Variants in PDE4D observed in about 807,000 individuals in gnomAD.
PDE4D encodes 3',5'-cyclic-AMP phosphodiesterase 4D.
Under a neutral mutation model 87.4 loss-of-function variants are expected in PDE4D, and 24 were observed. The ratio of observed to expected loss-of-function variants is 0.27; its 90% CI spans 0.20 to 0.39. The LOEUF (loss-of-function observed/expected upper bound fraction) is 0.39, where lower values mean the gene tolerates loss of function less well. PDE4D is among the 10% of genes least tolerant of loss of function. The pLI is 1.00. For missense variants in PDE4D, 714 were observed against 1,041.0 expected (o/e 0.69, Z 4.32); for synonymous variants, 384 against 383.2 (o/e 1.00, Z -0.02).
intron 6 of PDE4D, among the ~76,000 whole-genome samples, chr5:59,025,093 T>C (rs1755959779): frequency 6.6e-6 from 1 of 152,180 alleles, no homozygotes; most frequent in Admixed American, 6.5e-5. Flanking sequence ...ATAGCTTTGT[T>C]CAATCTTTAC....
intron 5 of PDE4D, among the ~76,000 whole-genome samples, chr5:59,141,858 G>A (rs7714707): frequency 6.6e-6 from 1 of 152,016 alleles, no homozygotes; most frequent in Non-Finnish European, 1.5e-5. Context: ...GGAGGTTCTT[G>A]CAGTTATAGC....
intron 1 of PDE4D, among the ~76,000 whole-genome samples, chr5:59,873,958 C>T (rs903962867): frequency 3.9e-5 from 6 of 152,172 alleles, no homozygotes; most frequent in African/African-American, 1.4e-4. Context: ...CACCTGTAAT[C>T]TCAGCACTGT....
intron 1 of PDE4D, among the ~76,000 whole-genome samples, chr5:59,556,901 G>A (rs1292635877): frequency 1.3e-5 from 2 of 152,116 alleles, no homozygotes; most frequent in Non-Finnish European, 2.9e-5. Context: ...AAGAAAGGGA[G>A]GGTGGCAGGG....
At chr5:59,577,265 G>GA (rs1259204529) in intron 1 of PDE4D, among the ~76,000 whole-genome samples, 2 of 152,064 alleles carry the variant, frequency 1.3e-5, no homozygotes, top group Non-Finnish European at 2.9e-5. Flanking sequence ...TCTTCCCCAT[G>GA]AAAAAGGCTG....
Position 60,053,453 on chromosome 5 carries a change from T to C in PDE4D, c.43-64736A>G, listed in dbSNP as rs571063573. Among the ~76,000 whole-genome samples the C allele has an allele frequency of 9.8e-5, 15 of 152,348 alleles. No homozygotes were observed. In the East Asian group the frequency reaches 2.3e-3, roughly 23 times the overall value. On this transcript the variant is annotated intron_variant, in intron 2 of 16. Coordinates refer to the PDE4D transcript ENST00000502484. ...CAAGCAATGGGGAAAGGATTCCCTA[T>C]TTAATAAATGGTGTTGGGGAAACTG... is the stretch of plus-strand genomic sequence containing the variant.
Position 60,370,529 on chromosome 5 carries a change from TAAG to T in PDE4D, c.-90+117410_-90+117412del, listed in dbSNP as rs1315822703. ...ATCAACCTAGAAGAGAAGGAAGTAA[TAAG>T]AAGAAAGAAAATGCAAACCTGACCT... On this transcript the variant is annotated intron_variant, in intron 1 of 16. Transcript: ENST00000502484. Among the ~76,000 whole-genome samples the T allele has an allele frequency of 7.2e-5, 11 of 152,254 alleles. No individual in the cohort carries two copies. The East Asian group carries it at 9.6e-4, about 13-fold the overall frequency.
At chr5:59,542,019 C>T (rs2153684322) in intron 1 of PDE4D, among the ~76,000 whole-genome samples, 1 of 152,190 alleles carries the variant, frequency 6.6e-6, no homozygotes, top group East Asian at 1.9e-4. Flanking sequence ...TTTTGTTGCC[C>T]CTTCTAGCTT....
intron 3 of PDE4D, among the ~76,000 whole-genome samples, chr5:59,923,259 A>T (rs1341753016): frequency 1.3e-5 from 2 of 152,198 alleles, no homozygotes; most frequent in Admixed American, 6.5e-5. Flanking sequence ...GCATCTCTGG[A>T]TTCTCCTAGG....
At chr5:59,609,611 C>G (rs1561317276) in intron 1 of PDE4D, among the ~76,000 whole-genome samples, 1 of 152,056 alleles carries the variant, frequency 6.6e-6, no homozygotes, top group African/African-American at 2.4e-5. Flanking sequence ...AGAGCAGAAC[C>G]CTCTCCCTCC....
chr5:60,445,990 G>A (rs1402678911), intron 1 of PDE4D, among the ~76,000 whole-genome samples: 1 of 152,036 alleles, frequency 6.6e-6, no homozygotes, highest in Non-Finnish European at 1.5e-5. Flanking sequence ...TGGAAAATAA[G>A]CATCTCAAAA....
At chr5:59,351,209 C>G (rs1412688232) in intron 1 of PDE4D, among the ~76,000 whole-genome samples, 1 of 152,092 alleles carries the variant, frequency 6.6e-6, no homozygotes, top group Non-Finnish European at 1.5e-5. Flanking sequence ...GGAAATGGCT[C>G]AGAGAGGTTA....
intron 1 of PDE4D, among the ~76,000 whole-genome samples, chr5:59,458,598 A>T (rs1800275587): frequency 6.6e-6 from 1 of 152,226 alleles, no homozygotes; most frequent in African/African-American, 2.4e-5. Context: ...GCATGTTAAA[A>T]AATAACACAT....
chr5:59,706,988 G>GTCTGTA (rs1251369080), intron 1 of PDE4D, among the ~76,000 whole-genome samples: 1 of 152,158 alleles, frequency 6.6e-6, no homozygotes, highest in East Asian at 1.9e-4. Context: ...CAGACATAGT[G>GTCTGTA]TCTGTAAGGT....
chr5:59,013,880 C>T (rs1753391417), intron 6 of PDE4D, among the ~76,000 whole-genome samples: 2 of 151,670 alleles, frequency 1.3e-5, no homozygotes, highest in African/African-American at 2.4e-5. Context: ...TGATGAACAT[C>T]GATGCAAAAA....
rs149891182 is a variant in PDE4D, at chr5:59,134,256, A to G, written c.808+46339T>C. 8.8e-3 allele frequency among the ~76,000 whole-genome samples: 1,326 copies of G among 150,052 alleles called. 23 individuals are homozygous for G. Among genetic ancestry groups the G allele is most frequent in the African/African-American group, 0.031 (1,254 of 40,522 alleles). ...GAAAGAGAAAAAGTCATAATATTTG[A>G]CATCAATTTACTTATCTATGATTCC... On this transcript the variant is annotated intron_variant, in intron 5 of 14. Transcript: ENST00000340635.
intron 1 of PDE4D, among the ~76,000 whole-genome samples, chr5:59,429,543 T>C (rs528040457): frequency 3.9e-5 from 6 of 152,300 alleles, no homozygotes; most frequent in African/African-American, 1.4e-4. Flanking sequence ...AGTTTCCAAG[T>C]AAAATACATT....
chr5:59,571,949 C>T (rs932621317), intron 1 of PDE4D, among the ~76,000 whole-genome samples: 1 of 152,192 alleles, frequency 6.6e-6, no homozygotes, highest in Non-Finnish European at 1.5e-5. Flanking sequence ...CTTTGGCATT[C>T]GTCTACATCC....
At chr5:59,305,222 T>C (rs1406882722) in intron 1 of PDE4D, among the ~76,000 whole-genome samples, 3 of 152,132 alleles carry the variant, frequency 2.0e-5, no homozygotes, top group Non-Finnish European at 4.4e-5. Flanking sequence ...TGTATTTCAG[T>C]GGTGTCAGTT....
chr5:59,688,747 C>T (rs182485038), intron 1 of PDE4D, among the ~76,000 whole-genome samples: 30 of 151,794 alleles, frequency 2.0e-4, no homozygotes, highest in Non-Finnish European at 3.8e-4. Flanking sequence ...GATAGAGACA[C>T]AAAAAAACCC....
Sources: gnomAD v4.1 joint callset for allele counts (sites outside exome capture counted in the v4.1 genomes callset) on GRCh38, gnomAD v4.1.1 for gene constraint, MANE v1.5 for transcripts, NCBI Gene and HGNC (gene_info 2026-07-23, HGNC 2026-07-21) for gene names.